Variants in INPP5D observed in about 807,000 individuals in gnomAD.
INPP5D encodes inositol polyphosphate-5-phosphatase D.
In INPP5D, 33 loss-of-function variants were observed where a neutral mutation model predicts 122.9. That is an observed-to-expected ratio of 0.27 (90% CI 0.20 to 0.36). The LOEUF (loss-of-function observed/expected upper bound fraction) is 0.36, where lower values mean the gene tolerates loss of function less well. Among genes scored for constraint, INPP5D ranks in the 10% least tolerant of loss-of-function variants. INPP5D has a pLI of 1.00. For synonymous variants in INPP5D, 584 were observed against 576.2 expected (o/e 1.01, Z -0.19); for missense variants, 1,053 against 1,412.7 (o/e 0.75, Z 4.08).
At chr2:233,161,441 T>G (rs1227523820) in intron 10 of INPP5D, among the ~76,000 whole-genome samples, 1 of 152,146 alleles carries the variant, frequency 6.6e-6, no homozygotes, top group Non-Finnish European at 1.5e-5. Flanking sequence ...TAAGGTTGCT[T>G]CTGATTTTTT....
chr2:233,114,525 C>T lies in INPP5D; in HGVS notation c.199-7582C>T, dbSNP rs79298875. On this transcript the variant is annotated intron_variant, in intron 2 of 26. Transcript: ENST00000445964. ...GAGCTGGCTCAGAGCAGGGCAAACGCGGCAGGAGGTCTCCTTCCAGAACTC... is the reference window on the plus strand; with the variant it reads ...GAGCTGGCTCAGAGCAGGGCAAACGTGGCAGGAGGTCTCCTTCCAGAACTC... Among the ~76,000 whole-genome samples, 1,313 of 152,298 alleles carry T rather than the reference C, an allele frequency of 8.6e-3. 18 individuals are homozygous for T. The highest frequency in any genetic ancestry group is 0.03 in the African/African-American group (1,233 of 41,566).
chr2:233,128,262 T>A lies in INPP5D; in HGVS notation c.525-2246T>A, dbSNP rs1306979692. The stretch of plus-strand genomic sequence containing the variant: ...CCCACAACCATCCCCCCACCACCCA[T>A]CCGTGGAATAATTGTCTTCCACAAA... On this transcript the variant is annotated intron_variant, in intron 4 of 26. Transcript: ENST00000445964. The surrounding 1 kb of genome is among the most constrained non-coding windows in gnomAD (Gnocchi z 4.5). Among the ~76,000 whole-genome samples the A allele has an allele frequency of 6.6e-6, 1 of 152,110 alleles. No individual in the cohort carries two copies. Among genetic ancestry groups the A allele is most frequent in the African/African-American group, 2.4e-5 (1 of 41,420 alleles).
intron 2 of INPP5D, among the ~76,000 whole-genome samples, chr2:233,093,313 A>G (rs745912825): frequency 6.6e-6 from 1 of 152,208 alleles, no homozygotes; most frequent in Non-Finnish European, 1.5e-5. Flanking sequence ...GGAAACTATC[A>G]GTGTAGATAT....
intron 1 of INPP5D, 37 bp downstream of exon 1, chr2:233,060,649 G>T (rs752321557): frequency 1.2e-6 from 2 of 1,610,514 alleles, no homozygotes; most frequent in Non-Finnish European, 8.5e-7. Context: ...GCACAGATAT[G>T]ACAGAGGGGC....
rs1694451356 is a variant in INPP5D at position 233,170,027 on chromosome 2, C to T, written c.1654C>T (p.Arg552Ter). The change falls in exon 15 of 27, where the codon CGA (arginine) becomes TGA (stop). Residue 552 changes from arginine to a stop codon, truncating the protein, a stop_gained and splice_region_variant. Transcript: ENST00000445964. LOFTEE classifies it high-confidence loss of function. The surrounding 1 kb of genome is among the most constrained non-coding windows in gnomAD (Gnocchi z 4.5). Reference sequence around the variant, plus strand: ...ATGGCCGCTTTTTCCTTGCATTAGGCGAAACCAAAACTATATGAACATTCT... The same window carrying T: ...ATGGCCGCTTTTTCCTTGCATTAGGTGAAACCAAAACTATATGAACATTCT... Reference protein sequence around the residue: ...LTSGSEKKLRRNQNYMNILRF... With the variant: ...LTSGSEKKLR 1.9e-6 allele frequency: 3 copies of T among 1,613,990 alleles called. No homozygotes were observed. Among genetic ancestry groups the T allele is most frequent in the Non-Finnish European group, 2.5e-6 (3 of 1,179,880 alleles).
At chr2:233,063,505 G>A (rs1691129800) in intron 1 of INPP5D, among the ~76,000 whole-genome samples, 1 of 152,246 alleles carries the variant, frequency 6.6e-6, no homozygotes, top group African/African-American at 2.4e-5. Context: ...CTATGTAAAT[G>A]GACTTGAGCG....
At chr2:233,132,551 C>T (rs1021485594) in intron 5 of INPP5D, among the ~76,000 whole-genome samples, 7 of 152,208 alleles carry the variant, frequency 4.6e-5, no homozygotes, top group East Asian at 1.9e-4. Context: ...ATCAGTAAGG[C>T]GACAGCCAGG....
chr2:233,113,110 T>C (rs551159946), intron 2 of INPP5D, among the ~76,000 whole-genome samples: 1 of 152,270 alleles, frequency 6.6e-6, no homozygotes, highest in Non-Finnish European at 1.5e-5. Context: ...TCCCCATGTA[T>C]TATCCCCAAG....
rs1279220030 is a variant in INPP5D, at chr2:233,169,499, C to G, written c.1652+98C>G. On this transcript the variant is annotated intron_variant, in intron 14 of 26. Coordinates refer to ENST00000445964, the MANE Select transcript of INPP5D (RefSeq NM_001017915.3). The stretch of plus-strand genomic sequence containing the variant: ...CCAGAAGGACCTGCTCAGCTCCTGC[C>G]TTTGACCTTGTGGATGTCCTGTGGC... 7 of 1,509,016 alleles carry G rather than the reference C, an allele frequency of 4.6e-6. No homozygotes were observed. In the Admixed American group the frequency reaches 1.5e-4, roughly 32 times the overall value. The allele number at this position is 1,509,016 out of a possible 1,614,324, so 93.5% of individuals were successfully genotyped here.
chr2:233,176,171 A>G (rs1486680050), intron 17 of INPP5D, among the ~76,000 whole-genome samples: 1 of 152,228 alleles, frequency 6.6e-6, no homozygotes, highest in African/African-American at 2.4e-5. Flanking sequence ...TACCTTGTCT[A>G]TCCCACCTAA....
chr2:233,141,418 T>C (rs1693629034), intron 6 of INPP5D: 1 of 151,832 alleles, frequency 6.6e-6, no homozygotes, highest in East Asian at 1.9e-4. Context: ...AATACAAAAA[T>C]TAGCCAGGTG....
rs994856523 is a variant in INPP5D, at chr2:233,177,808, C to A, written c.2071+462C>A. ...CAGGCTGGTTGCAAACTCCTGACCT[C>A]AGGTGGTCAGCCCACCTCGGCCTCC... is the stretch of plus-strand genomic sequence containing the variant. On this transcript the variant is annotated intron_variant, in intron 18 of 26. Transcript: ENST00000445964. This position sits in a 1 kb window ranked among gnomAD's most constrained non-coding sequence, Gnocchi z 4.2. Among the ~76,000 whole-genome samples, 1 of 152,206 alleles carries A rather than the reference C, an allele frequency of 6.6e-6. No homozygotes were observed. Among genetic ancestry groups the A allele is most frequent in the African/African-American group, 2.4e-5 (1 of 41,456 alleles).
rs1694670473 is a variant in INPP5D at position 233,177,523 on chromosome 2, C to A, written c.2071+177C>A. 6.6e-6 allele frequency among the ~76,000 whole-genome samples: 1 copy of A among 152,216 alleles called. No individual in the cohort carries two copies. Among genetic ancestry groups the A allele is most frequent in the South Asian group, 2.1e-4 (1 of 4,834 alleles). On this transcript the variant is annotated intron_variant, in intron 18 of 26. Coordinates refer to ENST00000445964, the MANE Select transcript of INPP5D (RefSeq NM_001017915.3). The surrounding 1 kb of genome is among the most constrained non-coding windows in gnomAD (Gnocchi z 4.2). The stretch of plus-strand genomic sequence containing the variant: ...ATGCTTCCCTGCCTGTCTTGTGCTG[C>A]CACCTAATCCATATCCCCTGCTTTA...
chr2:233,099,867 T>A (rs980182256), intron 2 of INPP5D, among the ~76,000 whole-genome samples: 1 of 152,162 alleles, frequency 6.6e-6, no homozygotes, highest in Non-Finnish European at 1.5e-5. Context: ...AGAGGTTTAA[T>A]GGACTCACAG....
At chr2:233,138,811 TC>T (rs1559314191) in intron 5 of INPP5D, among the ~76,000 whole-genome samples, 1 of 152,134 alleles carries the variant, frequency 6.6e-6, no homozygotes, top group African/African-American at 2.4e-5. Context: ...AGTGGTGCGA[TC>T]TCGGCTCACT....
At chr2:233,144,507 T>C (rs1214354299) in intron 6 of INPP5D, among the ~76,000 whole-genome samples, 2 of 147,894 alleles carry the variant, frequency 1.4e-5, no homozygotes, top group African/African-American at 5.1e-5. Flanking sequence ...GGGGTGGAGA[T>C]GGTGGTGGTG....
chr2:233,172,813 C>A (rs1383492018), intron 17 of INPP5D, among the ~76,000 whole-genome samples: 2 of 152,158 alleles, frequency 1.3e-5, no homozygotes, highest in Admixed American at 1.3e-4. Context: ...AGGCTACAAA[C>A]CCGTATAGCA....
intron 6 of INPP5D, among the ~76,000 whole-genome samples, chr2:233,144,195 T>C: frequency 6.7e-6 from 1 of 148,392 alleles, no homozygotes; most frequent in Non-Finnish European, 1.5e-5. Flanking sequence ...ATGATCATGG[T>C]AGAACTGGTA....
chr2:233,195,310 A>G, intron 23 of INPP5D, 89 bp from the exon 24 acceptor site: 1 of 1,597,068 alleles, frequency 6.3e-7, no homozygotes, highest in Admixed American at 1.7e-5. Flanking sequence ...GTGCAGCTTC[A>G]GCCTGCAAAT....
Sources: gnomAD v4.1 joint callset for allele counts (sites outside exome capture counted in the v4.1 genomes callset) on GRCh38, gnomAD v4.1.1 for gene constraint, Gnocchi (gnomAD v3.1) non-coding constraint, MANE v1.5 for transcripts, NCBI Gene and HGNC (gene_info 2026-07-23, HGNC 2026-07-21) for gene names.